The following NAV3 variants were observed in gnomAD, a reference collection of about 807,000 sequenced individuals.
NAV3 encodes the protein pore membrane and/or filament interacting like protein 1.
A neutral mutation model predicts 244.7 loss-of-function variants in NAV3; 87 were observed. The ratio of observed to expected loss-of-function variants is 0.36; its 90% CI spans 0.30 to 0.42. The LOEUF (loss-of-function observed/expected upper bound fraction) is 0.42, where lower values mean the gene tolerates loss of function less well. Among genes scored for constraint, NAV3 ranks in the 20% least tolerant of loss-of-function variants. The pLI, the probability that NAV3 is intolerant of heterozygous loss-of-function variation, is 1.00. For synonymous variants in NAV3, 1,126 were observed against 1,042.2 expected (o/e 1.08, Z -1.55); for missense variants, 2,663 against 2,893.3 (o/e 0.92, Z 1.83).
Position 78,058,891 on chromosome 12 carries a change from A to G in NAV3, c.2517-105A>G, listed in dbSNP as rs866252345. 3 of 895,324 alleles carry G rather than the reference A, an allele frequency of 3.4e-6. No homozygotes were observed. The South Asian group carries it at 7.1e-5, about 21-fold the overall frequency. The allele number at this position is 895,324 out of a possible 1,614,324, so 55.5% of individuals were successfully genotyped here. A position where few individuals can be genotyped will look rare whatever the true frequency, so the allele number is the denominator to read the frequency against. ...AATAAAAAACAAGATAATAGAATAT[A>G]TTTGAGTAATTATTGAAAATTGTGG... On this transcript the variant is annotated intron_variant, in intron 11 of 39. Transcript: ENST00000397909.
At chr12:77,828,396 T>A (rs559497115), upstream of NAV3, among the ~76,000 whole-genome samples, 2 of 152,292 alleles carry the variant, frequency 1.3e-5, no homozygotes, top group East Asian at 3.9e-4. Flanking sequence ...GATATTCTGT[T>A]ATAGTAGCAC....
In NAV3 at chr12:78,121,978, C is replaced by A. The variant is rs1246432926; in HGVS notation, c.3788C>A (p.Ala1263Glu). 3 of 1,614,062 alleles carry A rather than the reference C, an allele frequency of 1.9e-6. No homozygotes were observed. In the African/African-American group the frequency reaches 4.0e-5, roughly 22 times the overall value. Residue 1263 changes from alanine to glutamate, a missense_variant, in exon 16 of 40, where the codon GCA becomes GAA. Ala to Glu is a moderately radical substitution (Grantham distance 107). Coordinates refer to ENST00000397909, the MANE Select transcript of NAV3 (RefSeq NM_001024383.2). ...AAGGCAGGTGGCAAATCTGCCTCTGCACCTAATACTGAGGGTGTGAAATCT... is the reference window on the plus strand; with the variant it reads ...AAGGCAGGTGGCAAATCTGCCTCTGAACCTAATACTGAGGGTGTGAAATCT... The part of the protein sequence containing the change: ...GAKAGGKSAS[A>E]PNTEGVKSSS...
intron 1 of NAV3, among the ~76,000 whole-genome samples, chr12:77,891,470 A>T (rs2136754067): frequency 6.6e-6 from 1 of 152,244 alleles, no homozygotes; most frequent in East Asian, 1.9e-4. Context: ...TATCTTCTGC[A>T]GATAAATATA....
Position 77,630,134 on chromosome 12 carries a change from T to A in NAV3, c.72+57868T>A, listed in dbSNP as rs141413137. On this transcript the variant is annotated intron_variant, in intron 2 of 8. Transcript: ENST00000550042. ...ACTCCAGGAGTCAACTGACTAGGGT[T>A]AAAGTAAGATAGGGAAGCTACAGCT... Among the ~76,000 whole-genome samples, 22 of 152,204 alleles carry A rather than the reference T, an allele frequency of 1.4e-4. No homozygotes were observed. The East Asian group carries it at 3.9e-3, about 27-fold the overall frequency.
chr12:77,632,540 C>T (rs1174902373), intron 2 of NAV3, among the ~76,000 whole-genome samples: 1 of 152,112 alleles, frequency 6.6e-6, no homozygotes, highest in South Asian at 2.1e-4. Flanking sequence ...AAAGACCCAC[C>T]CCCATGATTC....
chr12:78,124,810 A>G (rs1955836794), intron 16 of NAV3, among the ~76,000 whole-genome samples: 1 of 152,174 alleles, frequency 6.6e-6, no homozygotes, highest in Non-Finnish European at 1.5e-5. Context: ...CCAAATAAAG[A>G]CTTTTTCTAA....
At chr12:78,061,636 G>A (rs188431142) in intron 12 of NAV3, among the ~76,000 whole-genome samples, 1 of 152,110 alleles carries the variant, frequency 6.6e-6, no homozygotes, top group African/African-American at 2.4e-5. Context: ...AGTGACTCGG[G>A]ATGTATATCA....
chr12:77,809,485 C>T (rs1234380242), intron 2 of NAV3, among the ~76,000 whole-genome samples: 1 of 152,170 alleles, frequency 6.6e-6, no homozygotes, highest in Non-Finnish European at 1.5e-5. Context: ...TTTGGTTCGC[C>T]CTCCATGGGC....
intron 38 of NAV3, 24 bp downstream of exon 38, chr12:78,200,615 T>C: frequency 8.2e-7 from 1 of 1,213,422 alleles, no homozygotes. Context: ...TTTTCATTGC[T>C]ATTTTTTTTT....
At chr12:77,846,358 A>G (rs999739403) in intron 1 of NAV3, among the ~76,000 whole-genome samples, 2 of 152,232 alleles carry the variant, frequency 1.3e-5, no homozygotes, top group Non-Finnish European at 2.9e-5. Flanking sequence ...TGAGGATAAT[A>G]TATGCAGGAA....
chr12:77,620,419 T>C (rs556524869), intron 2 of NAV3, among the ~76,000 whole-genome samples: 1 of 152,284 alleles, frequency 6.6e-6, no homozygotes, highest in South Asian at 2.1e-4. Context: ...TCCTTACTTA[T>C]GCTTGTGTCA....
chr12:77,591,565 G>A (rs2136719919), intron 2 of NAV3, among the ~76,000 whole-genome samples: 1 of 152,288 alleles, frequency 6.6e-6, no homozygotes, highest in South Asian at 2.1e-4. Context: ...AACCAATACA[G>A]ATAAATTGAG....
upstream of NAV3, among the ~76,000 whole-genome samples, chr12:77,828,736 C>T (rs796664739): frequency 9.9e-5 from 15 of 152,188 alleles, no homozygotes; most frequent in African/African-American, 3.6e-4. Context: ...CTAATACCAT[C>T]TTATATTTCA....
chr12:77,906,455 G>A (rs1398155471), intron 1 of NAV3, among the ~76,000 whole-genome samples: 2 of 151,842 alleles, frequency 1.3e-5, no homozygotes, highest in African/African-American at 4.8e-5. Flanking sequence ...ATTGCAATCA[G>A]TATAAAAAAC....
chr12:78,108,531 T>C (rs1030792857), intron 12 of NAV3, among the ~76,000 whole-genome samples: 2 of 152,138 alleles, frequency 1.3e-5, no homozygotes, highest in African/African-American at 4.8e-5. Context: ...TGAAACAATG[T>C]CCAAGATAGA....
At chr12:77,711,244 C>T (rs1373944742) in intron 2 of NAV3, among the ~76,000 whole-genome samples, 14 of 152,182 alleles carry the variant, frequency 9.2e-5, no homozygotes, top group Non-Finnish European at 4.4e-5. Context: ...CTCAAAGACT[C>T]ATGTGATCTT....
chr12:77,959,780 A>G (rs189089001), intron 3 of NAV3, among the ~76,000 whole-genome samples: 5 of 151,908 alleles, frequency 3.3e-5, no homozygotes, highest in Admixed American at 6.6e-5. Flanking sequence ...AATGTTAATT[A>G]AAAGCTCAAA....
chr12:77,981,950 G>T (rs1869643598), intron 5 of NAV3, among the ~76,000 whole-genome samples: 1 of 152,022 alleles, frequency 6.6e-6, no homozygotes, highest in Admixed American at 6.6e-5. Context: ...GTGACTCCAA[G>T]ACTGAGGGTA....
intron 12 of NAV3, 87 bp from the exon 13 acceptor site, chr12:78,116,685 T>G: frequency 7.6e-7 from 1 of 1,312,208 alleles, no homozygotes; most frequent in Non-Finnish European, 1.0e-6. Flanking sequence ...GTCTTAATAA[T>G]AAATTGTGAA....
Sources: allele counts gnomAD v4.1 joint callset (sites outside exome capture counted in the v4.1 genomes callset), GRCh38; gene constraint gnomAD v4.1.1; transcripts MANE v1.5; gene names NCBI Gene and HGNC (gene_info 2026-07-23, HGNC 2026-07-21).